The following SH3GLB1 variants were observed in gnomAD, a reference collection of about 807,000 sequenced individuals.
The protein encoded by SH3GLB1 is endophilin-B1.
SH3GLB1 carries 17 observed loss-of-function variants against 42.0 expected under a neutral mutation model. The ratio of observed to expected loss-of-function variants is 0.40; its 90% CI spans 0.28 to 0.61. SH3GLB1 has a LOEUF of 0.61. SH3GLB1 is among the 20% of genes least tolerant of loss of function. The probability of loss-of-function intolerance (pLI) is 0.36; values close to 1 mark genes in which losing one functional copy is unlikely to be tolerated. For synonymous variants in SH3GLB1, 132 were observed against 146.6 expected, an observed-to-expected ratio of 0.90 and a Z score of 0.72; for missense variants, 355 against 426.3, an observed-to-expected ratio of 0.83 and a Z score of 1.47.
At chr1:86,706,158 G>T (rs1018440860) in intron 1 of SH3GLB1, among the ~76,000 whole-genome samples, 1 of 152,188 alleles carries the variant, frequency 6.6e-6, no homozygotes, top group Non-Finnish European at 1.5e-5. Flanking sequence ...ATATATGTGA[G>T]GAAGCAGCCT....
At chr1:86,721,731 T>C (rs910508701) in intron 3 of SH3GLB1, among the ~76,000 whole-genome samples, 5 of 152,118 alleles carry the variant, frequency 3.3e-5, no homozygotes, top group Non-Finnish European at 5.9e-5. Context: ...TGTGACTTGA[T>C]CTCTTGGAAG....
Position 86,710,292 on chromosome 1 carries a change from T to C in SH3GLB1, c.72+5321T>C, listed in dbSNP as rs544046265. On this transcript the variant is annotated intron_variant, in intron 1 of 8. Coordinates refer to ENST00000370558, the MANE Select transcript of SH3GLB1 (RefSeq NM_016009.5). The stretch of plus-strand genomic sequence containing the variant: ...TTTTTTTTTTTTTTTTGAGACGGAG[T>C]CTCGCCCTGTTGCCCAGGCTGGAGT... Among the ~76,000 whole-genome samples the C allele has an allele frequency of 1.3e-4, 20 of 151,078 alleles. No individual in the cohort carries two copies. The South Asian group carries it at 4.2e-3, about 32-fold the overall frequency.
intron 1 of SH3GLB1, among the ~76,000 whole-genome samples, chr1:86,712,260 C>T (rs964001277): frequency 6.6e-6 from 1 of 152,058 alleles, no homozygotes; most frequent in Non-Finnish European, 1.5e-5. Context: ...TTGTAGAAAG[C>T]AGAAGTGATC....
At chr1:86,713,409 T>C (rs1654327179) in intron 1 of SH3GLB1, among the ~76,000 whole-genome samples, 1 of 152,146 alleles carries the variant, frequency 6.6e-6, no homozygotes, top group Non-Finnish European at 1.5e-5. Flanking sequence ...ATTATTGATC[T>C]GTTGATTTTT....
At chr1:86,708,195 C>T (rs898854494) in intron 1 of SH3GLB1, among the ~76,000 whole-genome samples, 1 of 152,174 alleles carries the variant, frequency 6.6e-6, no homozygotes, top group Non-Finnish European at 1.5e-5. Context: ...ACACTGCTTT[C>T]TCATCTCAGT....
At chr1:86,736,865 A>G (rs1008735593) in intron 7 of SH3GLB1, among the ~76,000 whole-genome samples, 1 of 152,244 alleles carries the variant, frequency 6.6e-6, no homozygotes, top group Non-Finnish European at 1.5e-5. Flanking sequence ...TTAAGATAAT[A>G]CATAGAAATA....
chr1:86,741,996 A>G (rs1225071683), intron 7 of SH3GLB1, among the ~76,000 whole-genome samples: 1 of 152,196 alleles, frequency 6.6e-6, no homozygotes, highest in Non-Finnish European at 1.5e-5. Flanking sequence ...ACTTTCAAGG[A>G]TTTATATTTG....
At position 86,719,564 on chromosome 1, in the gene SH3GLB1, T is replaced by C. The variant is rs143094715; in HGVS notation, c.272T>C (p.Ile91Thr). The C allele has an allele frequency of 2.4e-5, 38 of 1,611,260 alleles. No individual in the cohort carries two copies. The African/African-American group carries it at 4.4e-4, about 19-fold the overall frequency. ...CTGGATAGAAAAGCTCCAAGTCGTA[T>C]AAACAACCCAGAACTTTTGGGACAA... is the stretch of plus-strand genomic sequence containing the variant. ...EKLDRKAPSR[I>T]NNPELLGQYM... Residue 91 changes from isoleucine (I) to threonine (T), a missense_variant, in exon 3 of 9, where the codon ATA (isoleucine) becomes ACA (threonine). Transcript: ENST00000370558.
intron 7 of SH3GLB1, among the ~76,000 whole-genome samples, chr1:86,739,238 G>T (rs1313962302): frequency 6.6e-6 from 1 of 152,176 alleles, no homozygotes; most frequent in Non-Finnish European, 1.5e-5. Flanking sequence ...AACCCTCAAA[G>T]GAGTAAGTAT....
intron 1 of SH3GLB1, among the ~76,000 whole-genome samples, chr1:86,712,625 A>C (rs1006464758): frequency 6.6e-6 from 1 of 152,234 alleles, no homozygotes; most frequent in African/African-American, 2.4e-5. Flanking sequence ...AGAAAGATGT[A>C]AATGGATGTG....
At chr1:86,715,639 C>A in intron 1 of SH3GLB1, 85 bp from the exon 2 acceptor site, 1 of 1,329,632 alleles carries the variant, frequency 7.5e-7, no homozygotes, top group Non-Finnish European at 1.0e-6. Flanking sequence ...GATTGTTTAG[C>A]TTTGAATTTG....
chr1:86,727,496 C>A (rs534266904), intron 5 of SH3GLB1, among the ~76,000 whole-genome samples: 1 of 151,942 alleles, frequency 6.6e-6, no homozygotes, highest in Admixed American at 6.6e-5. Flanking sequence ...GCCTTTATGA[C>A]GCTCAAAAGA....
At chr1:86,736,728 T>C (rs1468394009) in intron 7 of SH3GLB1, among the ~76,000 whole-genome samples, 1 of 152,202 alleles carries the variant, frequency 6.6e-6, no homozygotes, top group Non-Finnish European at 1.5e-5. Context: ...CAATACAAAG[T>C]AAAACCAGTG....
intron 3 of SH3GLB1, among the ~76,000 whole-genome samples, chr1:86,720,284 T>G (rs1001610568): frequency 6.6e-6 from 1 of 152,198 alleles, no homozygotes; most frequent in African/African-American, 2.4e-5. Context: ...TAAAAAAGCT[T>G]TCTTAGGGCT....
At chr1:86,720,226 T>C (rs1654793399) in intron 3 of SH3GLB1, among the ~76,000 whole-genome samples, 1 of 152,200 alleles carries the variant, frequency 6.6e-6, no homozygotes, top group Non-Finnish European at 1.5e-5. Flanking sequence ...ACCTATGTTA[T>C]AATACTTGTG....
chr1:86,742,476 T>C lies in SH3GLB1; in HGVS notation c.990+40T>C, dbSNP rs887040870. 5 of 1,439,650 alleles carry C rather than the reference T, an allele frequency of 3.5e-6. No homozygotes were observed. In the East Asian group the frequency reaches 6.8e-5, roughly 20 times the overall value. 89.2% of individuals were successfully genotyped at this position (1,439,650 alleles called of 1,614,324 possible). ...TATGAGAAGGAAAATATATCACGAA[T>C]TGACATACCTTCTAATATTATAACA... On this transcript the variant is annotated intron_variant, in intron 8 of 8. Coordinates refer to ENST00000370558, the MANE Select transcript of SH3GLB1 (RefSeq NM_016009.5).
At position 86,739,331 on chromosome 1, in the gene SH3GLB1, G is replaced by A. The variant is rs1212950898; in HGVS notation, c.762-2877G>A. On this transcript the variant is annotated intron_variant, in intron 7 of 8. Coordinates refer to ENST00000370558, the MANE Select transcript of SH3GLB1 (RefSeq NM_016009.5). ...GGAACGAGGCAAGGAAGATGATAAC[G>A]AGTGAGGCAGTGAGGTAAAATGGAA... Among the ~76,000 whole-genome samples the A allele has an allele frequency of 2.6e-5, 4 of 152,164 alleles. No individual in the cohort carries two copies. The South Asian group carries it at 6.2e-4, about 24-fold the overall frequency.
Position 86,704,669 on chromosome 1 carries a change from C to T in SH3GLB1, c.-231C>T, listed in dbSNP as rs1350875643. On this transcript the variant is annotated 5_prime_UTR_variant, in exon 1 of 9. Coordinates refer to ENST00000370558, the MANE Select transcript of SH3GLB1 (RefSeq NM_016009.5). ...CATCGTCGACGTTAGCGGCCGTTCT[C>T]CGAGCCGACTGACCCATCCTTGGCG... 2 of 388,576 alleles carry T rather than the reference C, an allele frequency of 5.1e-6. No individual in the cohort carries two copies. Among genetic ancestry groups the T allele is most frequent in the Non-Finnish European group, 9.3e-6 (2 of 214,134 alleles). The allele number at this position is 388,576 out of a possible 1,614,324, so 24.1% of individuals were successfully genotyped here. A position where few individuals can be genotyped will look rare whatever the true frequency, so the allele number is the denominator to read the frequency against.
At chr1:86,717,262 T>C (rs1052062930) in intron 2 of SH3GLB1, among the ~76,000 whole-genome samples, 6 of 152,224 alleles carry the variant, frequency 3.9e-5, no homozygotes, top group African/African-American at 1.2e-4. Context: ...TAGACATTTT[T>C]CCCCTTGTTC....
Sources: allele counts gnomAD v4.1 joint callset (sites outside exome capture counted in the v4.1 genomes callset), GRCh38; gene constraint gnomAD v4.1.1; transcripts MANE v1.5; gene names NCBI Gene and HGNC (gene_info 2026-07-23, HGNC 2026-07-21).